PCDH15: variants seen among roughly 807,000 people sequenced by gnomAD.
PCDH15 encodes protocadherin related 15.
A neutral mutation model predicts 178.5 loss-of-function variants in PCDH15; 129 were observed. That is an observed-to-expected ratio of 0.72 (90% CI 0.63 to 0.84). The LOEUF (loss-of-function observed/expected upper bound fraction) is 0.84, where lower values mean the gene tolerates loss of function less well. Ranked by LOEUF, PCDH15 falls within the 40% of genes least tolerant of loss-of-function variation. The pLI is 0.00. For synonymous variants in PCDH15, 800 were observed against 732.0 expected (o/e 1.09, Z -1.50); for missense variants, 2,230 against 2,099.9 (o/e 1.06, Z -1.21).
chr10:54,911,177 G>A (rs944727958), intron 2 of PCDH15, among the ~76,000 whole-genome samples: 1 of 152,154 alleles, frequency 6.6e-6, no homozygotes, highest in Non-Finnish European at 1.5e-5. Context: ...TTCAGATGCA[G>A]ATCACACAGG....
intron 1 of PCDH15, among the ~76,000 whole-genome samples, chr10:54,796,644 T>C: frequency 6.6e-6 from 1 of 151,860 alleles, no homozygotes; most frequent in Non-Finnish European, 1.5e-5. Context: ...CCCTTTCTCT[T>C]TTTCTTATAT....
chr10:53,893,484 G>T (rs2081729496), intron 26 of PCDH15, among the ~76,000 whole-genome samples: 2 of 152,082 alleles, frequency 1.3e-5, no homozygotes, highest in African/African-American at 2.4e-5. Context: ...ATATGAAAAA[G>T]GTACTTGCAC....
chr10:55,367,056 C>T (rs143584625), intron 2 of PCDH15, among the ~76,000 whole-genome samples: 9 of 151,824 alleles, frequency 5.9e-5, no homozygotes, highest in Non-Finnish European at 1.0e-4. Context: ...TATGGGATTA[C>T]GGGATTCTGG....
At chr10:54,383,912 G>A (rs1949582194) in intron 3 of PCDH15, among the ~76,000 whole-genome samples, 1 of 151,710 alleles carries the variant, frequency 6.6e-6, no homozygotes, top group Non-Finnish European at 1.5e-5. Flanking sequence ...TCTGTTTCCT[G>A]GGCTCAAGCG....
intron 2 of PCDH15, among the ~76,000 whole-genome samples, chr10:55,482,925 T>C (rs1020661085): frequency 2.0e-5 from 3 of 151,792 alleles, no homozygotes; most frequent in African/African-American, 7.3e-5. Context: ...TCCAACTTGG[T>C]TCCATTCTTC....
Position 54,020,296 on chromosome 10 carries a change from C to G in PCDH15, c.2647G>C (p.Glu883Gln). Residue 883 changes from glutamate (E) to glutamine (Q), a missense_variant, in exon 20 of 38, where the codon GAG becomes CAG. Glu to Gln is a conservative substitution (Grantham distance 29, BLOSUM62 2). Transcript: ENST00000644397. ...ELSLLRSLDY[E>Q]AFPDQEASIT... ...CTTGCTTCTTGGTCTGGAAATGCCT[C>G]ATAATCTAAACTCCTTAAAAGCGAT... 3.1e-6 allele frequency: 5 copies of G among 1,613,768 alleles called. 1 individual carries two copies. The highest frequency in any genetic ancestry group is 4.2e-6 in the Non-Finnish European group (5 of 1,179,796).
chr10:54,329,660 A>G lies in PCDH15; in HGVS notation c.641T>C (p.Ile214Thr), dbSNP rs772525423. 8.7e-6 allele frequency: 14 copies of G among 1,609,444 alleles called. No homozygotes were observed. The Admixed American group carries it at 1.0e-4, about 12-fold the overall frequency. Residue 214 changes from isoleucine to threonine, a missense_variant, in exon 7 of 38, where the codon ATA (isoleucine) becomes ACA (threonine). Physicochemically the swap from Ile to Thr is moderately conservative, Grantham distance 89. Coordinates refer to ENST00000644397, the MANE Select transcript of PCDH15 (RefSeq NM_001384140.1). ...FEIPLMLTGN[I>T]VLRKRLNYED... is the part of the protein sequence containing the mutation. ...ATAGTTGAGCCTCTTCCTTAACACT[A>G]TATTTCCAGTCAACATTAGGGGAAT...
intron 2 of PCDH15, among the ~76,000 whole-genome samples, chr10:54,578,244 C>A (rs903078885): frequency 2.0e-5 from 3 of 151,894 alleles, no homozygotes; most frequent in African/African-American, 7.3e-5. Context: ...TTTGAGGGCC[C>A]CTAATCTTGG....
chr10:54,308,135 ATC>A (rs1352601921), intron 8 of PCDH15, among the ~76,000 whole-genome samples: 1 of 152,090 alleles, frequency 6.6e-6, no homozygotes, highest in Admixed American at 6.6e-5. Context: ...CTTACAAACT[ATC>A]TTACGCTGTG....
chr10:53,850,042 T>C (rs892633182), intron 28 of PCDH15, among the ~76,000 whole-genome samples: 9 of 152,060 alleles, frequency 5.9e-5, no homozygotes, highest in African/African-American at 1.9e-4. Flanking sequence ...GTAAACAATT[T>C]ACTCATATTG....
intron 2 of PCDH15, among the ~76,000 whole-genome samples, chr10:54,532,747 T>C (rs569511327): frequency 6.6e-6 from 1 of 150,416 alleles, no homozygotes; most frequent in African/African-American, 2.4e-5. Flanking sequence ...TTCAATGTCA[T>C]TTCATTATAA....
At position 54,350,080 on chromosome 10, in the gene PCDH15, A is replaced by G. The variant is rs1943928245; in HGVS notation, c.475-3596T>C. Among the ~76,000 whole-genome samples, 3 of 152,226 alleles carry G rather than the reference A, an allele frequency of 2.0e-5. No individual in the cohort carries two copies. The South Asian group carries it at 6.2e-4, about 31-fold the overall frequency. On this transcript the variant is annotated intron_variant, in intron 5 of 37. Transcript: ENST00000644397. ...AAAACCTTTTTTCTATAATGATATT[A>G]TATAAAGGTTATGAATCATCCCTAA...
At position 53,805,321 on chromosome 10, in the gene PCDH15, T is replaced by TTAATC. The variant is rs1491244141; in HGVS notation, c.*1253_*1257dup. 6.6e-6 allele frequency: 1 copy of TTAATC among 152,070 alleles called. No homozygotes were observed. The highest frequency in any genetic ancestry group is 2.4e-5 in the African/African-American group (1 of 41,448). The allele number at this position is 152,070 out of a possible 1,614,324, so 9.4% of individuals were successfully genotyped here. A position where few individuals can be genotyped will look rare whatever the true frequency, so the allele number is the denominator to read the frequency against. On this transcript the variant is annotated 3_prime_UTR_variant, in exon 38 of 38. Transcript: ENST00000644397. ...ATATTCAATAGAATTCTGAATTCTC[T>TTAATC]TAATCTATATTGTTTCATTCTTTTT... is the stretch of plus-strand genomic sequence containing the variant.
intron 3 of PCDH15, among the ~76,000 whole-genome samples, chr10:54,468,039 T>A (rs1383317128): frequency 6.6e-6 from 1 of 151,984 alleles, no homozygotes; most frequent in East Asian, 1.9e-4. Context: ...TTTATTTGGG[T>A]CCTCTTTCTT....
chr10:55,544,018 G>C (rs1054088896), intron 2 of PCDH15, among the ~76,000 whole-genome samples: 26 of 150,434 alleles, frequency 1.7e-4, no homozygotes, highest in African/African-American at 6.1e-4. Flanking sequence ...ATAAATAATT[G>C]AGTCACTGTA....
At chr10:54,867,750 A>G (rs1198300156) in intron 3 of PCDH15, among the ~76,000 whole-genome samples, 1 of 152,106 alleles carries the variant, frequency 6.6e-6, no homozygotes, top group Non-Finnish European at 1.5e-5. Flanking sequence ...AAAACAAGGT[A>G]CCAAAACATC....
chr10:53,826,884 C>T (rs1466339693), intron 32 of PCDH15, among the ~76,000 whole-genome samples: 2 of 151,892 alleles, frequency 1.3e-5, no homozygotes, highest in East Asian at 1.9e-4. Context: ...TATCATATAA[C>T]GTCCTAAAAG....
intron 8 of PCDH15, among the ~76,000 whole-genome samples, chr10:54,275,561 C>A (rs2058305114): frequency 6.6e-6 from 1 of 151,660 alleles, no homozygotes; most frequent in South Asian, 2.1e-4. Flanking sequence ...AGTCCATGAA[C>A]AGGAAATGTC....
chr10:54,273,261 C>T (rs7081730), intron 8 of PCDH15, among the ~76,000 whole-genome samples: 101,519 of 151,638 alleles, frequency 0.67, 34,840 homozygotes, highest in Middle Eastern at 0.78. Context: ...AGGAAGACTA[C>T]TGAATACAGC....
Sources: gnomAD v4.1 joint callset for allele counts (sites outside exome capture counted in the v4.1 genomes callset) on GRCh38, gnomAD v4.1.1 for gene constraint, MANE v1.5 for transcripts, NCBI Gene and HGNC (gene_info 2026-07-23, HGNC 2026-07-21) for gene names.